The following CCND3 variants were observed in gnomAD, a reference collection of about 807,000 sequenced individuals.
CCND3 encodes the protein G1/S-specific cyclin-D3.
CCND3 carries 9 observed loss-of-function variants against 28.7 expected under a neutral mutation model. The ratio of observed to expected loss-of-function variants is 0.31; its 90% CI spans 0.19 to 0.55. The LOEUF (loss-of-function observed/expected upper bound fraction) is 0.55, where lower values mean the gene tolerates loss of function less well. Ranked by LOEUF, CCND3 falls within the 20% of genes least tolerant of loss-of-function variation. CCND3 has a pLI of 0.93. For synonymous variants in CCND3, 164 were observed against 163.9 expected, an observed-to-expected ratio of 1.00 and a Z score of 0.00; for missense variants, 315 against 385.8, an observed-to-expected ratio of 0.82 and a Z score of 1.54.
intron 1 of CCND3, among the ~76,000 whole-genome samples, chr6:42,028,487 C>T (rs1052583537): frequency 5.3e-5 from 8 of 152,236 alleles, no homozygotes; most frequent in African/African-American, 1.4e-4. Context: ...CTTACCACCA[C>T]GGTCACCGTT....
rs1762523525 is a variant in CCND3 at position 41,987,515 on chromosome 6, CTCTGTGTGTG to C, written c.-45-46940_-45-46931del. ...TCTCTCTCTCTCTCTCTCTCTCTCT[CTCTGTGTGTG>C]TGTGTGTGTGTGTGTGTGTGTGTGT... On this transcript the variant is annotated intron_variant, in intron 1 of 4. Coordinates refer to the CCND3 transcript ENST00000372988. Among the ~76,000 whole-genome samples, 3 of 41,240 alleles carry C rather than the reference CTCTGTGTGTG, an allele frequency of 7.3e-5. No individual in the cohort carries two copies. The Admixed American group carries it at 8.7e-4, about 12-fold the overall frequency. 27.1% of individuals were successfully genotyped at this position (41,240 alleles called of 152,430 possible).
chr6:41,977,786 T>C lies in CCND3; in HGVS notation c.-45-37201A>G, dbSNP rs1022905835. Among the ~76,000 whole-genome samples the C allele has an allele frequency of 1.3e-4, 20 of 152,336 alleles. 1 individual carries two copies. The highest frequency in any genetic ancestry group is 1.1e-3 in the Admixed American group (17 of 15,294). ...CCCGAATCGACCATGAAGCCCTTGT[T>C]TGAACTTCTTCAATGATGGAGAGCT... On this transcript the variant is annotated intron_variant, in intron 1 of 4. Coordinates refer to the CCND3 transcript ENST00000372988.
At chr6:41,946,713 T>G (rs1005293092), upstream of CCND3, among the ~76,000 whole-genome samples, 6 of 151,962 alleles carry the variant, frequency 3.9e-5, no homozygotes, top group Admixed American at 1.3e-4. Context: ...GTCACTATTA[T>G]GAGCATCTGT....
intron 1 of CCND3, among the ~76,000 whole-genome samples, chr6:42,037,236 G>A (rs996686596): frequency 6.7e-6 from 1 of 148,928 alleles, no homozygotes; most frequent in Non-Finnish European, 1.5e-5. Context: ...CACTGTGCCC[G>A]GCCGTTTTGT....
rs533970799 is a variant in CCND3, at chr6:41,992,833, C to G, written c.-45-52248G>C. Among the ~76,000 whole-genome samples, 3 of 152,046 alleles carry G rather than the reference C, an allele frequency of 2.0e-5. No individual in the cohort carries two copies. In the South Asian group the frequency reaches 6.2e-4, roughly 32 times the overall value. ...TATCATGGCTCACTGCAATCTCGTC[C>G]TCCCTCAAGCAATCCTCCTGTCTCA... On this transcript the variant is annotated intron_variant, in intron 1 of 4. Transcript: ENST00000372988.
In CCND3 at chr6:42,031,931, A is replaced by G. The variant is rs117433545; in HGVS notation, c.-46+16570T>C. Among the ~76,000 whole-genome samples the G allele has an allele frequency of 5.9e-5, 9 of 151,502 alleles. No individual in the cohort carries two copies. In the East Asian group the frequency reaches 9.7e-4, roughly 16 times the overall value. Reference sequence around the variant, plus strand: ...CAGCCTCCCAAGTAGCTAGGATTACAGGCACGCATCATCACACCGGTCTAA... The same window carrying G: ...CAGCCTCCCAAGTAGCTAGGATTACGGGCACGCATCATCACACCGGTCTAA... On this transcript the variant is annotated intron_variant, in intron 1 of 4. Coordinates refer to the CCND3 transcript ENST00000372988.
intron 1 of CCND3, among the ~76,000 whole-genome samples, chr6:41,956,449 T>C (rs1477258468): frequency 6.6e-6 from 1 of 152,188 alleles, no homozygotes; most frequent in African/African-American, 2.4e-5. Flanking sequence ...AGAACTTTCC[T>C]AGTACTAAGC....
intron 1 of CCND3, among the ~76,000 whole-genome samples, chr6:41,965,073 T>C: frequency 7.0e-6 from 1 of 143,400 alleles, no homozygotes; most frequent in Admixed American, 7.0e-5. Flanking sequence ...TTTTTTTTTT[T>C]TTTTTTTTTT....
chr6:41,935,810 C>A lies in CCND3; in HGVS notation c.*130G>T. The stretch of plus-strand genomic sequence containing the variant: ...ACTGCGGGGATGGGTAGGACCAGAT[C>A]CCTTGGGCTTTGTGAAGGGGGAACA... On this transcript the variant is annotated 3_prime_UTR_variant, in exon 5 of 5. Coordinates refer to ENST00000372991, the MANE Select transcript of CCND3 (RefSeq NM_001760.5). 1 of 891,384 alleles carries A rather than the reference C, an allele frequency of 1.1e-6. No individual in the cohort carries two copies. The highest frequency in any genetic ancestry group is 1.8e-6 in the Non-Finnish European group (1 of 564,170). 55.2% of individuals were successfully genotyped at this position (891,384 alleles called of 1,614,324 possible). A position where few individuals can be genotyped will look rare whatever the true frequency, so the allele number is the denominator to read the frequency against.
rs1458063924 is a variant in CCND3, at chr6:42,000,562, A to ATTTTTTTTT, written c.-46+47938_-46+47939insAAAAAAAAA. 8.6e-4 allele frequency among the ~76,000 whole-genome samples: 12 copies of ATTTTTTTTT among 14,000 alleles called. 1 individual carries two copies. Among genetic ancestry groups the ATTTTTTTTT allele is most frequent in the African/African-American group, 2.0e-3 (10 of 5,004 alleles). The allele number at this position is 14,000 out of a possible 152,430, so 9.2% of individuals were successfully genotyped here. A position where few individuals can be genotyped will look rare whatever the true frequency, so the allele number is the denominator to read the frequency against. On this transcript the variant is annotated intron_variant, in intron 1 of 4. Coordinates refer to the CCND3 transcript ENST00000372988. The stretch of plus-strand genomic sequence containing the variant: ...ACTTTCTAATAACTGGGTGAAACGA[A>ATTTTTTTTT]TCTTTTTTTTTTTTTTTTTTCTGAG...
intron 1 of CCND3, among the ~76,000 whole-genome samples, chr6:41,996,682 T>TG (rs1451569035): frequency 6.6e-6 from 1 of 151,494 alleles, no homozygotes; most frequent in Admixed American, 6.6e-5. Context: ...TTTTTTTTTT[T>TG]TGAGACGGAG....
At chr6:41,979,544 A>AG (rs1762277155) in intron 1 of CCND3, among the ~76,000 whole-genome samples, 1 of 150,500 alleles carries the variant, frequency 6.6e-6, no homozygotes, top group African/African-American at 2.4e-5. Context: ...AAAAAAAAAA[A>AG]AAAAAGAAAA....
At chr6:41,957,141 C>G (rs1305351941) in intron 1 of CCND3, among the ~76,000 whole-genome samples, 1 of 152,194 alleles carries the variant, frequency 6.6e-6, no homozygotes, top group East Asian at 1.9e-4. Context: ...TCAAATCCTC[C>G]GTTGAAAGGC....
At chr6:41,988,740 C>T (rs1168819468) in intron 1 of CCND3, among the ~76,000 whole-genome samples, 1 of 132,254 alleles carries the variant, frequency 7.6e-6, no homozygotes, top group Non-Finnish European at 1.5e-5. Flanking sequence ...GCTCTGTCGC[C>T]CAGGCTGGAG....
intron 1 of CCND3, among the ~76,000 whole-genome samples, chr6:42,009,144 T>G (rs1763261787): frequency 6.6e-6 from 1 of 152,148 alleles, no homozygotes; most frequent in African/African-American, 2.4e-5. Context: ...GGACTGCTCT[T>G]CCCTCAACTG....
intron 1 of CCND3, among the ~76,000 whole-genome samples, chr6:41,982,273 C>A (rs1762368185): frequency 2.2e-5 from 3 of 135,068 alleles, no homozygotes; most frequent in African/African-American, 5.5e-5. Context: ...GACTCCATCT[C>A]AAAAAAAAAA....
intron 1 of CCND3, among the ~76,000 whole-genome samples, chr6:41,983,497 C>T (rs1393522498): frequency 6.6e-6 from 1 of 151,778 alleles, no homozygotes; most frequent in Non-Finnish European, 1.5e-5. Context: ...CTGAGTTATA[C>T]TCTTAGCAAT....
chr6:42,026,210 G>C (rs1038411954), intron 1 of CCND3, among the ~76,000 whole-genome samples: 3 of 151,914 alleles, frequency 2.0e-5, no homozygotes, highest in African/African-American at 7.3e-5. Context: ...CCTTCTCAAC[G>C]ACCTCTCTAA....
intron 1 of CCND3, among the ~76,000 whole-genome samples, chr6:41,969,048 G>C (rs146083856): frequency 0.075 from 11,399 of 151,960 alleles, 547 homozygotes; most frequent in Non-Finnish European, 0.1. Context: ...TGCCCGCCTC[G>C]GCCCCTCAAA....
Sources: gnomAD v4.1 joint callset for allele counts (sites outside exome capture counted in the v4.1 genomes callset) on GRCh38, gnomAD v4.1.1 for gene constraint, MANE v1.5 for transcripts, NCBI Gene and HGNC (gene_info 2026-07-23, HGNC 2026-07-21) for gene names.